DEPTOR: variants seen among roughly 807,000 people sequenced by gnomAD.
DEPTOR encodes DEP domain-containing mTOR-interacting protein.
A neutral mutation model predicts 41.6 loss-of-function variants in DEPTOR; 41 were observed. The ratio of observed to expected loss-of-function variants is 0.98; its 90% CI spans 0.77 to 1.28. DEPTOR has a LOEUF of 1.28. Among genes scored for constraint, DEPTOR ranks in the 50% most tolerant of loss-of-function variants. The pLI, the probability that DEPTOR is intolerant of heterozygous loss-of-function variation, is 0.00. For synonymous variants in DEPTOR, 195 were observed against 192.3 expected (o/e 1.01, Z -0.12); for missense variants, 514 against 527.9 (o/e 0.97, Z 0.26).
At chr8:119,937,488 A>C (rs1429581758) in intron 3 of DEPTOR, among the ~76,000 whole-genome samples, 1 of 152,206 alleles carries the variant, frequency 6.6e-6, no homozygotes, top group Non-Finnish European at 1.5e-5. Flanking sequence ...TTTTAGAATG[A>C]ATGTTCCCGG....
intron 8 of DEPTOR, among the ~76,000 whole-genome samples, chr8:120,012,358 C>T (rs747835543): frequency 1.2e-4 from 18 of 152,140 alleles, no homozygotes; most frequent in Non-Finnish European, 2.5e-4. Flanking sequence ...TAGCCTATTG[C>T]TCCTAGGCTA....
intron 3 of DEPTOR, 36 bp from the exon 4 acceptor site, chr8:119,965,196 T>A (rs1828540867): frequency 6.3e-7 from 1 of 1,585,138 alleles, no homozygotes; most frequent in African/African-American, 1.4e-5. Flanking sequence ...TCCTTTCGTA[T>A]AGGTTTACTT....
In DEPTOR at chr8:120,006,837, C is replaced by G. The variant is rs748967603; in HGVS notation, c.958C>G (p.Leu320Val). Residue 320 changes from leucine (L) to valine (V), a missense_variant, in exon 7 of 9, where the codon CTT becomes GTT. Physicochemically the swap from Leu to Val is conservative, Grantham distance 32. Coordinates refer to ENST00000286234, the MANE Select transcript of DEPTOR (RefSeq NM_022783.4). Reference sequence around the variant, plus strand: ...GAGACCTGTCACCTCTGAGGAACTCCTTACTCCCGGGGCTCCGTATGCAAG... The same window carrying G: ...GAGACCTGTCACCTCTGAGGAACTCGTTACTCCCGGGGCTCCGTATGCAAG... ...LKRPVTSEEL[L>V]TPGAPYARKT... The G allele has an allele frequency of 1.2e-6, 2 of 1,614,152 alleles. No homozygotes were observed. Among genetic ancestry groups the G allele is most frequent in the Non-Finnish European group, 1.7e-6 (2 of 1,180,018 alleles).
At chr8:119,957,798 A>G (rs963549384) in intron 3 of DEPTOR, among the ~76,000 whole-genome samples, 3 of 152,158 alleles carry the variant, frequency 2.0e-5, no homozygotes, top group Non-Finnish European at 4.4e-5. Context: ...CATGTTGGCC[A>G]GGATGGTCTT....
intron 8 of DEPTOR, among the ~76,000 whole-genome samples, chr8:120,037,210 T>C (rs577952286): frequency 2.0e-5 from 3 of 152,318 alleles, no homozygotes; most frequent in South Asian, 4.1e-4. Flanking sequence ...CATTCAGTGG[T>C]AGTAAACACT....
At chr8:119,946,346 A>T (rs1331886688) in intron 3 of DEPTOR, among the ~76,000 whole-genome samples, 3 of 152,190 alleles carry the variant, frequency 2.0e-5, no homozygotes, top group Admixed American at 2.0e-4. Flanking sequence ...TGTAATCTCC[A>T]TAAACTGAAC....
intron 3 of DEPTOR, among the ~76,000 whole-genome samples, chr8:119,940,937 G>C (rs889777399): frequency 6.6e-6 from 1 of 152,102 alleles, no homozygotes; most frequent in African/African-American, 2.4e-5. Context: ...GTGGTTGCTA[G>C]GAGCAGGGGA....
chr8:119,883,673 C>T (rs1400605665), intron 1 of DEPTOR, among the ~76,000 whole-genome samples: 1 of 152,094 alleles, frequency 6.6e-6, no homozygotes, highest in South Asian at 2.1e-4. Context: ...AACTCTCAGG[C>T]TGCTACTTAT....
At chr8:119,898,829 A>G (rs900821093) in intron 1 of DEPTOR, among the ~76,000 whole-genome samples, 1 of 152,090 alleles carries the variant, frequency 6.6e-6, no homozygotes, top group African/African-American at 2.4e-5. Context: ...GCCACATAGA[A>G]CCCTAAATCA....
At chr8:119,888,150 A>G (rs1291947148) in intron 1 of DEPTOR, among the ~76,000 whole-genome samples, 1 of 152,058 alleles carries the variant, frequency 6.6e-6, no homozygotes, top group Non-Finnish European at 1.5e-5. Flanking sequence ...TACTACAACA[A>G]TTAATTTAAA....
intron 1 of DEPTOR, among the ~76,000 whole-genome samples, chr8:119,905,945 T>C (rs746562510): frequency 3.3e-5 from 5 of 152,090 alleles, no homozygotes; most frequent in Non-Finnish European, 5.9e-5. Context: ...ACTTGGCCAA[T>C]TTTTAAAATG....
At chr8:120,033,179 C>T (rs544649937) in intron 8 of DEPTOR, among the ~76,000 whole-genome samples, 5 of 150,720 alleles carry the variant, frequency 3.3e-5, no homozygotes, top group African/African-American at 1.2e-4. Flanking sequence ...CCTCTGCCTC[C>T]CGGGTTCAAG....
intron 1 of DEPTOR, among the ~76,000 whole-genome samples, chr8:119,879,492 A>G (rs138273700): frequency 0.019 from 2,828 of 152,260 alleles, 86 homozygotes; most frequent in African/African-American, 0.063. Context: ...TGGGTGGATC[A>G]CCTGAGATCA....
At position 119,895,006 on chromosome 8, in the gene DEPTOR, C is replaced by T. The variant is rs532691029; in HGVS notation, c.122+21038C>T. Reference sequence around the variant, plus strand: ...ACATGAAATGCATTCCATGGTAGAACGTTGTCAAAGTGAGGTATATTTTTC... The same window carrying T: ...ACATGAAATGCATTCCATGGTAGAATGTTGTCAAAGTGAGGTATATTTTTC... On this transcript the variant is annotated intron_variant, in intron 1 of 8. Transcript: ENST00000286234. Among the ~76,000 whole-genome samples the T allele has an allele frequency of 2.6e-3, 397 of 152,206 alleles. 3 individuals are homozygous for T. Among genetic ancestry groups the T allele is most frequent in the Non-Finnish European group, 4.4e-3 (296 of 68,012 alleles).
intron 4 of DEPTOR, among the ~76,000 whole-genome samples, chr8:119,994,365 G>A (rs1812224017): frequency 6.6e-6 from 1 of 152,100 alleles, no homozygotes; most frequent in African/African-American, 2.4e-5. Flanking sequence ...ATGTCATTTA[G>A]CTGTTGTTAA....
At chr8:119,944,657 C>CTTTTT (rs11428615) in intron 3 of DEPTOR, among the ~76,000 whole-genome samples, 2 of 136,976 alleles carry the variant, frequency 1.5e-5, no homozygotes, top group Non-Finnish European at 3.1e-5. Context: ...TCTTTCTTTT[C>CTTTTT]TTTTTTTTTT....
intron 4 of DEPTOR, among the ~76,000 whole-genome samples, chr8:119,976,218 G>A (rs1828695204): frequency 6.6e-6 from 1 of 152,062 alleles, no homozygotes; most frequent in African/African-American, 2.4e-5. Flanking sequence ...GGACTTGCAA[G>A]TCAAGAAGAA....
chr8:119,943,977 A>G (rs1488114090), intron 3 of DEPTOR, among the ~76,000 whole-genome samples: 1 of 151,990 alleles, frequency 6.6e-6, no homozygotes, highest in East Asian at 1.9e-4. Flanking sequence ...AGCTGGGACT[A>G]CAGGCGCCCG....
At chr8:119,887,618 G>C (rs1563957239) in intron 1 of DEPTOR, among the ~76,000 whole-genome samples, 6 of 149,272 alleles carry the variant, frequency 4.0e-5, no homozygotes. Flanking sequence ...TCCTGCTTCA[G>C]CCTACCAAGT....
Sources: gnomAD v4.1 joint callset for allele counts (sites outside exome capture counted in the v4.1 genomes callset) on GRCh38, gnomAD v4.1.1 for gene constraint, MANE v1.5 for transcripts, NCBI Gene and HGNC (gene_info 2026-07-23, HGNC 2026-07-21) for gene names.